Variants in PTGFR observed in about 807,000 individuals in gnomAD.
PTGFR encodes the protein prostaglandin F receptor.
PTGFR carries 15 observed loss-of-function variants against 26.2 expected under a neutral mutation model. That is an observed-to-expected ratio of 0.57 (90% CI 0.38 to 0.88). The LOEUF is 0.88. Ranked by LOEUF, PTGFR falls within the 40% of genes least tolerant of loss-of-function variation. The pLI, the probability that PTGFR is intolerant of heterozygous loss-of-function variation, is 0.00. For synonymous variants in PTGFR, 165 were observed against 151.1 expected, an observed-to-expected ratio of 1.09 and a Z score of -0.68; for missense variants, 369 against 427.2, an observed-to-expected ratio of 0.86 and a Z score of 1.20.
chr1:78,527,782 T>C lies in PTGFR; in HGVS notation c.799-8624T>C, dbSNP rs576496532. ...GCCCAGCACAGAGAGAAATGAGTCA[T>C]GGTTTGTGACCTCCATGGATCCTAA... On this transcript the variant is annotated intron_variant, in intron 2 of 2. Coordinates refer to ENST00000370757, the MANE Select transcript of PTGFR (RefSeq NM_000959.4). 1.2e-4 allele frequency among the ~76,000 whole-genome samples: 19 copies of C among 152,256 alleles called. No individual in the cohort carries two copies. In the South Asian group the frequency reaches 3.9e-3, roughly 31 times the overall value.
rs1649377806 is a variant in PTGFR, at chr1:78,491,021, A to C, written c.-288A>C. On this transcript the variant is annotated 5_prime_UTR_variant, in exon 1 of 3. Transcript: ENST00000370757. The stretch of plus-strand genomic sequence containing the variant: ...AGGCTGCCAGCGCAGCTAGGTGCAG[A>C]GGGATCCCAGGAGCCGCGCGCGCCC... 6.6e-6 allele frequency: 1 copy of C among 152,240 alleles called. No homozygotes were observed. Among genetic ancestry groups the C allele is most frequent in the Non-Finnish European group, 1.5e-5 (1 of 68,064 alleles). The allele number at this position is 152,240 out of a possible 1,614,324, so 9.4% of individuals were successfully genotyped here.
At chr1:78,499,201 C>T (rs907360847) in intron 2 of PTGFR, among the ~76,000 whole-genome samples, 1 of 152,120 alleles carries the variant, frequency 6.6e-6, no homozygotes, top group Non-Finnish European at 1.5e-5. Context: ...TCACGTGACT[C>T]TCTCCCTCTT....
rs1344909441 is a variant in PTGFR at position 78,539,966 on chromosome 1, C to T, written c.*3279C>T. Among the ~76,000 whole-genome samples the T allele has an allele frequency of 6.6e-6, 1 of 152,006 alleles. No individual in the cohort carries two copies. Among genetic ancestry groups the T allele is most frequent in the Non-Finnish European group, 1.5e-5 (1 of 67,976 alleles). ...CATAATTTAGATAGAAATCTGATTT[C>T]CCAAACCTCCAGGTTTAGATATATC... On this transcript the variant is annotated 3_prime_UTR_variant, in exon 3 of 3. Coordinates refer to ENST00000370757, the MANE Select transcript of PTGFR (RefSeq NM_000959.4).
chr1:78,492,639 G>A lies in PTGFR; in HGVS notation c.-72-33G>A, dbSNP rs922807759. The A allele has an allele frequency of 4.6e-6, 5 of 1,088,758 alleles. No homozygotes were observed. The Admixed American group carries it at 1.0e-4, about 22-fold the overall frequency. The allele number at this position is 1,088,758 out of a possible 1,614,324, so 67.4% of individuals were successfully genotyped here. The stretch of plus-strand genomic sequence containing the variant: ...ATAAACGTCAGATGAGCAGTAATGC[G>A]GTGTTCATAATTCCTCTCCCTTTAT... On this transcript the variant is annotated intron_variant, in intron 1 of 2. Transcript: ENST00000370757.
chr1:78,491,676 G>T (rs1478523952), intron 1 of PTGFR, among the ~76,000 whole-genome samples: 1 of 152,236 alleles, frequency 6.6e-6, no homozygotes, highest in Non-Finnish European at 1.5e-5. Flanking sequence ...GGGCGGGGGG[G>T]ATAGTAACGG....
rs1447017541 is a variant in PTGFR at position 78,537,038 on chromosome 1, C to A, written c.*351C>A. The A allele has an allele frequency of 4.8e-6, 1 of 206,198 alleles. No homozygotes were observed. Among genetic ancestry groups the A allele is most frequent in the African/African-American group, 2.3e-5 (1 of 42,764 alleles). The allele number at this position is 206,198 out of a possible 1,614,324, so 12.8% of individuals were successfully genotyped here. On this transcript the variant is annotated 3_prime_UTR_variant, in exon 3 of 3. Transcript: ENST00000370757. The stretch of plus-strand genomic sequence containing the variant: ...CCAGAGAACATCTTAATGCAGCCTG[C>A]ATAGTGAAATGGTTATTTTGAGATC...
intron 2 of PTGFR, among the ~76,000 whole-genome samples, chr1:78,520,079 A>G (rs1264515879): frequency 6.6e-6 from 1 of 152,046 alleles, no homozygotes; most frequent in Non-Finnish European, 1.5e-5. Context: ...GTGTTTAATA[A>G]GGTCAATTCT....
chr1:78,536,588 C>T lies in PTGFR; in HGVS notation c.981C>T (p.Val327=). 1 of 1,613,302 alleles carries T rather than the reference C, an allele frequency of 6.2e-7. No individual in the cohort carries two copies. ...CCAGTCAATGCTGTGGAGTGCATGT[C>T]ATCAGCTTACATATTTGGGAGCTTA... ...KLASQCCGVH[V]ISLHIWELSS... is the part of the protein sequence containing the mutation. The change falls in exon 3 of 3, where the codon GTC becomes GTT. Residue 327 remains valine (V), a synonymous_variant. Transcript: ENST00000370757.
chr1:78,494,212 A>C (rs1649487391), intron 2 of PTGFR, among the ~76,000 whole-genome samples: 1 of 152,280 alleles, frequency 6.6e-6, no homozygotes, highest in Admixed American at 6.5e-5. Context: ...TGAAAGCTAA[A>C]GTGAAGCTGT....
At chr1:78,523,323 C>T (rs973603391) in intron 2 of PTGFR, among the ~76,000 whole-genome samples, 2 of 152,136 alleles carry the variant, frequency 1.3e-5, no homozygotes, top group African/African-American at 4.8e-5. Flanking sequence ...TTAATTTGCA[C>T]ATTTCCTTCC....
intron 2 of PTGFR, among the ~76,000 whole-genome samples, chr1:78,499,388 C>T (rs1056801877): frequency 2.6e-5 from 4 of 152,222 alleles, no homozygotes; most frequent in African/African-American, 9.6e-5. Context: ...TTGCCCCTAG[C>T]ACGTAAGCTC....
intron 2 of PTGFR, among the ~76,000 whole-genome samples, chr1:78,527,669 T>C (rs768659873): frequency 6.6e-6 from 1 of 152,120 alleles, no homozygotes; most frequent in Non-Finnish European, 1.5e-5. Flanking sequence ...TCATTTATGA[T>C]GATGATGAGG....
intron 2 of PTGFR, among the ~76,000 whole-genome samples, chr1:78,495,321 T>C (rs1002620003): frequency 6.6e-6 from 1 of 152,218 alleles, no homozygotes. Context: ...ACTTCATTGT[T>C]TATTTTTGAG....
At position 78,536,750 on chromosome 1, in the gene PTGFR, CAGTT is replaced by C; in HGVS notation, c.*69_*72del. On this transcript the variant is annotated 3_prime_UTR_variant, in exon 3 of 3. Transcript: ENST00000370757. ...AATTAAGACATGTTTGGCAATATTT[CAGTT>C]AGTTAAATACCTGTAGCCTAACTGG... 1 of 1,509,680 alleles carries C rather than the reference CAGTT, an allele frequency of 6.6e-7. No individual in the cohort carries two copies. The highest frequency in any genetic ancestry group is 8.9e-7 in the Non-Finnish European group (1 of 1,125,392). 93.5% of individuals were successfully genotyped at this position (1,509,680 alleles called of 1,614,324 possible). A position where few individuals can be genotyped will look rare whatever the true frequency, so the allele number is the denominator to read the frequency against.
At chr1:78,506,849 T>A (rs1468912023) in intron 2 of PTGFR, among the ~76,000 whole-genome samples, 1 of 152,198 alleles carries the variant, frequency 6.6e-6, no homozygotes, top group Non-Finnish European at 1.5e-5. Context: ...TGTTTCTTTG[T>A]TTATTGAACA....
chr1:78,514,349 G>A (rs1324356476), intron 2 of PTGFR, among the ~76,000 whole-genome samples: 1 of 151,350 alleles, frequency 6.6e-6, no homozygotes. Flanking sequence ...TGGAGTTAAG[G>A]GAGATTCATT....
chr1:78,513,403 G>A (rs1257379653), intron 2 of PTGFR, among the ~76,000 whole-genome samples: 1 of 152,194 alleles, frequency 6.6e-6, no homozygotes, highest in Non-Finnish European at 1.5e-5. Context: ...GCTGCATTGT[G>A]TTCATGACCC....
chr1:78,513,182 C>A (rs752556985), intron 2 of PTGFR, among the ~76,000 whole-genome samples: 1 of 151,998 alleles, frequency 6.6e-6, no homozygotes, highest in Non-Finnish European at 1.5e-5. Flanking sequence ...GTAAAATGGG[C>A]AGAGGTTGGA....
intron 2 of PTGFR, among the ~76,000 whole-genome samples, chr1:78,524,213 TC>T (rs1326047227): frequency 6.6e-6 from 1 of 151,810 alleles, no homozygotes; most frequent in African/African-American, 2.4e-5. Context: ...TAAACCCCCA[TC>T]CCTTCCACAC....
Sources: gnomAD v4.1 joint callset for allele counts (sites outside exome capture counted in the v4.1 genomes callset) on GRCh38, gnomAD v4.1.1 for gene constraint, MANE v1.5 for transcripts, NCBI Gene and HGNC (gene_info 2026-07-23, HGNC 2026-07-21) for gene names.